CACNB2: variants seen among roughly 807,000 people sequenced by gnomAD.
CACNB2 encodes the protein calcium voltage-gated channel auxiliary subunit beta 2.
In CACNB2, 42 loss-of-function variants were observed where a neutral mutation model predicts 73.3. The ratio of observed to expected loss-of-function variants is 0.57; its 90% CI spans 0.45 to 0.74. The LOEUF (loss-of-function observed/expected upper bound fraction) is 0.74, where lower values mean the gene tolerates loss of function less well. Among genes scored for constraint, CACNB2 ranks in the 30% least tolerant of loss-of-function variants. The pLI is 0.00. For missense variants in CACNB2, 940 were observed against 853.0 expected, an observed-to-expected ratio of 1.10 and a Z score of -1.27; for synonymous variants, 348 against 310.3, an observed-to-expected ratio of 1.12 and a Z score of -1.28.
At chr10:18,447,129 C>G (rs1380717480) in intron 3 of CACNB2, among the ~76,000 whole-genome samples, 1 of 151,884 alleles carries the variant, frequency 6.6e-6, no homozygotes, top group East Asian at 1.9e-4. Context: ...TTCTGGAACA[C>G]TATTTTGAGA....
intron 2 of CACNB2, among the ~76,000 whole-genome samples, chr10:18,171,418 G>A (rs950368806): frequency 8.2e-5 from 12 of 145,790 alleles, no homozygotes; most frequent in African/African-American, 3.0e-4. Flanking sequence ...TGTCTCCCCC[G>A]CATGGGTATT....
chr10:18,229,800 A>G (rs2036155849), intron 2 of CACNB2, among the ~76,000 whole-genome samples: 1 of 152,178 alleles, frequency 6.6e-6, no homozygotes, highest in African/African-American at 2.4e-5. Context: ...CCTTTTTAGA[A>G]GGATGTTTAT....
At chr10:18,498,626 C>A in intron 4 of CACNB2, 149 bp downstream of exon 4, 1 of 794,314 alleles carries the variant, frequency 1.3e-6, no homozygotes, top group Non-Finnish European at 2.1e-6. Flanking sequence ...GGCTCTCAAC[C>A]TCTGCTAATA....
intron 2 of CACNB2, among the ~76,000 whole-genome samples, chr10:18,391,638 A>T (rs2043472153): frequency 1.3e-5 from 2 of 152,060 alleles, no homozygotes; most frequent in Non-Finnish European, 2.9e-5. Context: ...AGGTAAAAAC[A>T]CTAATAGGCT....
Position 18,414,882 on chromosome 10 carries a change from A to G in CACNB2, c.333+12839A>G, listed in dbSNP as rs563624764. 2.6e-5 allele frequency among the ~76,000 whole-genome samples: 4 copies of G among 152,272 alleles called. No homozygotes were observed. The South Asian group carries it at 6.2e-4, about 24-fold the overall frequency. Reference sequence around the variant, plus strand: ...CCCTTTTTCTCCACCAGATGTTAACAGGGAACGACATGAAGACTTTTACGC... The same window carrying G: ...CCCTTTTTCTCCACCAGATGTTAACGGGGAACGACATGAAGACTTTTACGC... On this transcript the variant is annotated intron_variant, in intron 3 of 13. Transcript: ENST00000324631.
At chr10:18,493,825 A>C (rs1375447844) in intron 3 of CACNB2, among the ~76,000 whole-genome samples, 1 of 152,136 alleles carries the variant, frequency 6.6e-6, no homozygotes, top group Non-Finnish European at 1.5e-5. Flanking sequence ...GAGACCAGGG[A>C]ATCAGAAGTG....
At chr10:18,216,066 C>T (rs1168421937) in intron 2 of CACNB2, among the ~76,000 whole-genome samples, 2 of 151,456 alleles carry the variant, frequency 1.3e-5, no homozygotes, top group East Asian at 1.9e-4. Flanking sequence ...GAGGCCGAGG[C>T]GGGTGGATCA....
At chr10:18,454,751 T>C (rs1206916437) in intron 3 of CACNB2, among the ~76,000 whole-genome samples, 1 of 152,172 alleles carries the variant, frequency 6.6e-6, no homozygotes. Context: ...TTCAAAAGTG[T>C]GATATCGATG....
intron 2 of CACNB2, among the ~76,000 whole-genome samples, chr10:18,334,244 G>A (rs1437180630): frequency 6.6e-6 from 1 of 152,126 alleles, no homozygotes; most frequent in African/African-American, 2.4e-5. Flanking sequence ...GTGTGAATAC[G>A]AGCTGGGACT....
At chr10:18,354,484 G>A (rs2041834203) in intron 2 of CACNB2, among the ~76,000 whole-genome samples, 1 of 152,162 alleles carries the variant, frequency 6.6e-6, no homozygotes, top group Non-Finnish European at 1.5e-5. Flanking sequence ...AGTTATGGTG[G>A]GGCCTAGAGA....
In CACNB2 at chr10:18,540,285, G is replaced by A. The variant is rs1203440490; in HGVS notation, c.*561G>A. On this transcript the variant is annotated 3_prime_UTR_variant, in exon 14 of 14. Transcript: ENST00000324631. ...ACTAGTACTGTGTACTGTATAGACA[G>A]TTTGTAAATGTTATTTCTGCAAACA... 1.4e-5 allele frequency: 2 copies of A among 144,208 alleles called. No homozygotes were observed. The highest frequency in any genetic ancestry group is 2.6e-5 in the African/African-American group (1 of 39,046). 8.9% of individuals were successfully genotyped at this position (144,208 alleles called of 1,614,324 possible).
chr10:18,441,663 G>A (rs532990159), intron 3 of CACNB2, among the ~76,000 whole-genome samples: 111 of 152,180 alleles, frequency 7.3e-4, no homozygotes, highest in Non-Finnish European at 1.2e-3. Flanking sequence ...TAAAGACAGG[G>A]TCTCACTGTC....
chr10:18,515,472 C>A (rs1366353724), intron 7 of CACNB2, among the ~76,000 whole-genome samples: 1 of 152,222 alleles, frequency 6.6e-6, no homozygotes, highest in African/African-American at 2.4e-5. Flanking sequence ...TGCCCCCAAA[C>A]TCTCCACATA....
At chr10:18,333,679 G>A (rs2040892136) in intron 2 of CACNB2, among the ~76,000 whole-genome samples, 1 of 152,112 alleles carries the variant, frequency 6.6e-6, no homozygotes, top group Admixed American at 6.5e-5. Context: ...TGGCTAACAC[G>A]TACCATAATT....
At chr10:18,212,598 T>G (rs1223365721) in intron 2 of CACNB2, among the ~76,000 whole-genome samples, 1 of 152,200 alleles carries the variant, frequency 6.6e-6, no homozygotes, top group African/African-American at 2.4e-5. Flanking sequence ...AATATTTTTT[T>G]AAATGTTTGC....
chr10:18,212,061 G>A (rs2035339179), intron 2 of CACNB2, among the ~76,000 whole-genome samples: 1 of 152,164 alleles, frequency 6.6e-6, no homozygotes, highest in South Asian at 2.1e-4. Context: ...TCAGGTGTTT[G>A]TACAGCTGAA....
At chr10:18,454,674 T>C (rs1008052499) in intron 3 of CACNB2, among the ~76,000 whole-genome samples, 3 of 152,196 alleles carry the variant, frequency 2.0e-5, no homozygotes, top group Non-Finnish European at 4.4e-5. Flanking sequence ...ATGGACTGTG[T>C]AGTATTTCAA....
At chr10:18,409,097 A>C (rs2044465265) in intron 3 of CACNB2, among the ~76,000 whole-genome samples, 2 of 152,090 alleles carry the variant, frequency 1.3e-5, no homozygotes, top group Admixed American at 6.6e-5. Context: ...CAGGAGTTCG[A>C]GGCCAGGCTG....
rs1236524254 is a variant in CACNB2 at position 18,542,055 on chromosome 10, G to A, written c.*2331G>A. On this transcript the variant is annotated 3_prime_UTR_variant, in exon 14 of 14. Transcript: ENST00000324631. ...CAATATTAAAAATGATTAAGCTGGG[G>A]TGGTAGAGTATACCTGTAGACCCAG... 2 of 151,834 alleles carry A rather than the reference G, an allele frequency of 1.3e-5. No homozygotes were observed. The highest frequency in any genetic ancestry group is 4.8e-5 in the African/African-American group (2 of 41,310). The allele number at this position is 151,834 out of a possible 1,614,324, so 9.4% of individuals were successfully genotyped here. A position where few individuals can be genotyped will look rare whatever the true frequency, so the allele number is the denominator to read the frequency against.
Sources: allele counts gnomAD v4.1 joint callset (sites outside exome capture counted in the v4.1 genomes callset), GRCh38; gene constraint gnomAD v4.1.1; transcripts MANE v1.5; gene names NCBI Gene and HGNC (gene_info 2026-07-23, HGNC 2026-07-21).